Variants in DLG2 observed in about 807,000 individuals in gnomAD.
DLG2 encodes the protein disks large homolog 2.
A neutral mutation model predicts 132.5 loss-of-function variants in DLG2; 45 were observed. That is an observed-to-expected ratio of 0.34 (90% confidence interval 0.27 to 0.44). The LOEUF is 0.44. Among genes scored for constraint, DLG2 ranks in the 20% least tolerant of loss-of-function variants. The probability of loss-of-function intolerance (pLI) is 1.00; values close to 1 mark genes in which losing one functional copy is unlikely to be tolerated. For missense variants in DLG2, 1,045 were observed against 1,196.9 expected (o/e 0.87, Z 1.87); for synonymous variants, 424 against 419.6 (o/e 1.01, Z -0.13).
At chr11:84,386,545 A>C (rs1286549175) in intron 7 of DLG2, among the ~76,000 whole-genome samples, 1 of 152,112 alleles carries the variant, frequency 6.6e-6, no homozygotes, top group Non-Finnish European at 1.5e-5. Flanking sequence ...GTTGATATTT[A>C]TATTTTGTCA....
chr11:84,737,524 G>GAC (rs1455709882), intron 6 of DLG2, among the ~76,000 whole-genome samples: 2 of 151,816 alleles, frequency 1.3e-5, no homozygotes, highest in Non-Finnish European at 2.9e-5. Flanking sequence ...GAGAGAGAGA[G>GAC]AGAATGTGAT....
intron 3 of DLG2, among the ~76,000 whole-genome samples, chr11:85,323,616 A>G (rs1381213172): frequency 1.3e-5 from 2 of 152,096 alleles, no homozygotes. Flanking sequence ...ACCTAACTGT[A>G]TTTTTCTACA....
At chr11:85,020,656 CA>C (rs2059974558) in intron 6 of DLG2, 1 of 403,722 alleles carries the variant, frequency 2.5e-6, no homozygotes, top group Admixed American at 3.2e-5. Flanking sequence ...AAACCTGATA[CA>C]AACAAGAAAT....
chr11:85,385,077 C>A (rs1164176090), intron 3 of DLG2, among the ~76,000 whole-genome samples: 1 of 152,174 alleles, frequency 6.6e-6, no homozygotes, highest in African/African-American at 2.4e-5. Context: ...TTAATGAGAA[C>A]TAATTCTTTG....
At chr11:84,663,696 T>C (rs561437472) in intron 6 of DLG2, among the ~76,000 whole-genome samples, 2 of 152,328 alleles carry the variant, frequency 1.3e-5, no homozygotes, top group East Asian at 3.9e-4. Context: ...TGGGTTTGGA[T>C]GACAAATTAT....
chr11:84,411,377 G>A (rs561809300), intron 7 of DLG2, among the ~76,000 whole-genome samples: 94 of 152,308 alleles, frequency 6.2e-4, no homozygotes, highest in African/African-American at 2.1e-3. Context: ...GTAGGCAGGT[G>A]CCTTCCTACT....
intron 7 of DLG2, among the ~76,000 whole-genome samples, chr11:84,477,236 T>C (rs2099124181): frequency 6.6e-6 from 1 of 152,116 alleles, no homozygotes; most frequent in Non-Finnish European, 1.5e-5. Context: ...GACTCGTGCC[T>C]GTAATCCCAG....
At chr11:84,179,231 G>A (rs1369290658) in intron 8 of DLG2, among the ~76,000 whole-genome samples, 1 of 152,094 alleles carries the variant, frequency 6.6e-6, no homozygotes, top group African/African-American at 2.4e-5. Flanking sequence ...TAGAGTTTGG[G>A]GCTGATGGCC....
intron 7 of DLG2, among the ~76,000 whole-genome samples, chr11:84,329,228 T>C (rs893523787): frequency 2.6e-5 from 4 of 152,236 alleles, no homozygotes; most frequent in Non-Finnish European, 5.9e-5. Context: ...CACAATATAA[T>C]TATTATTTCT....
chr11:83,666,091 C>A (rs2075477535), intron 18 of DLG2, among the ~76,000 whole-genome samples: 1 of 152,152 alleles, frequency 6.6e-6, no homozygotes. Context: ...CTAGATATAT[C>A]TCATTATTCA....
chr11:85,546,098 G>C (rs1323867469), intron 3 of DLG2, among the ~76,000 whole-genome samples: 1 of 152,078 alleles, frequency 6.6e-6, no homozygotes, highest in Non-Finnish European at 1.5e-5. Flanking sequence ...GTTGATTTTA[G>C]ATCTCCCCTG....
At chr11:83,918,078 G>C (rs2077220162) in intron 15 of DLG2, among the ~76,000 whole-genome samples, 1 of 152,160 alleles carries the variant, frequency 6.6e-6, no homozygotes, top group Non-Finnish European at 1.5e-5. Context: ...CCATTACAAA[G>C]AGCTTGGATC....
At chr11:84,277,878 C>G (rs1417945230) in intron 7 of DLG2, among the ~76,000 whole-genome samples, 1 of 151,970 alleles carries the variant, frequency 6.6e-6, no homozygotes, top group East Asian at 1.9e-4. Flanking sequence ...ATCCTACAAA[C>G]ATGAGGAGCT....
intron 6 of DLG2, among the ~76,000 whole-genome samples, chr11:85,057,564 T>C (rs2063583044): frequency 6.6e-6 from 1 of 151,584 alleles, no homozygotes; most frequent in Admixed American, 6.6e-5. Context: ...ACTTCAGAGG[T>C]GAATTATTCC....
intron 19 of DLG2, among the ~76,000 whole-genome samples, chr11:83,579,033 A>G (rs1039189563): frequency 9.9e-5 from 15 of 152,188 alleles, no homozygotes; most frequent in African/African-American, 3.1e-4. Context: ...TCTCTGATAT[A>G]TGTGGCTCTG....
intron 4 of DLG2, among the ~76,000 whole-genome samples, chr11:85,167,308 G>A (rs890822143): frequency 6.6e-6 from 1 of 152,068 alleles, no homozygotes; most frequent in African/African-American, 2.4e-5. Context: ...TTTATAGAAT[G>A]CCTAGTTTAC....
chr11:84,026,701 A>G (rs2095544701), intron 11 of DLG2, among the ~76,000 whole-genome samples: 1 of 152,118 alleles, frequency 6.6e-6, no homozygotes, highest in South Asian at 2.1e-4. Context: ...TCCCCACTCC[A>G]TATTCCCAGT....
At chr11:84,164,682 C>T (rs1186495611) in intron 8 of DLG2, among the ~76,000 whole-genome samples, 1 of 152,108 alleles carries the variant, frequency 6.6e-6, no homozygotes, top group Non-Finnish European at 1.5e-5. Flanking sequence ...TCTTTTGTAA[C>T]AAAAAATTGA....
At chr11:83,651,680 T>C in intron 18 of DLG2, 1 of 312,138 alleles carries the variant, frequency 3.2e-6, no homozygotes, top group South Asian at 2.9e-5. Context: ...GCATTCAATT[T>C]ATTCTAGTTA....
Sources: allele counts gnomAD v4.1 joint callset (sites outside exome capture counted in the v4.1 genomes callset), GRCh38; gene constraint gnomAD v4.1.1; transcripts MANE v1.5; gene names NCBI Gene and HGNC (gene_info 2026-07-23, HGNC 2026-07-21).